Variants in TNN observed in about 807,000 individuals in gnomAD.
The protein encoded by TNN is tenascin-N.
In TNN, 122 loss-of-function variants were observed where a neutral mutation model predicts 134.4. That is an observed-to-expected ratio of 0.91 (90% CI 0.78 to 1.06). The LOEUF (loss-of-function observed/expected upper bound fraction) is 1.06. TNN is among the 50% of genes least tolerant of loss of function. The pLI is 0.00. For synonymous variants in TNN, 710 were observed against 670.3 expected (o/e 1.06, Z -0.91); for missense variants, 1,739 against 1,699.4 (o/e 1.02, Z -0.41).
At chr1:175,120,889 C>T (rs1229631707) in intron 11 of TNN, among the ~76,000 whole-genome samples, 1 of 152,154 alleles carries the variant, frequency 6.6e-6, no homozygotes, top group Non-Finnish European at 1.5e-5. Context: ...CAGGCTTGAC[C>T]TCCCGGGCTC....
chr1:175,130,770 C>T (rs1051335847), intron 15 of TNN, among the ~76,000 whole-genome samples: 11 of 152,110 alleles, frequency 7.2e-5, no homozygotes, highest in African/African-American at 2.7e-4. Context: ...AACAGAAATC[C>T]CTGCCCCCAA....
chr1:175,125,668 T>G (rs1490634209), intron 12 of TNN, among the ~76,000 whole-genome samples: 1 of 79,730 alleles, frequency 1.3e-5, no homozygotes, highest in Non-Finnish European at 2.8e-5. Context: ...CTTCCTTCTC[T>G]CCCTCCCTCC....
At position 175,079,425 on chromosome 1, in the gene TNN, C is replaced by A; in HGVS notation, c.502C>A (p.Arg168=). Residue 168 remains arginine, a synonymous_variant, in exon 3 of 19, where the codon CGG becomes AGG. Coordinates refer to ENST00000239462, the MANE Select transcript of TNN (RefSeq NM_022093.2). ...GGGCAGGGAGGGCCCCGCCTGCGAG[C>A]GGCTGGCCTGCCCCGGGGCGTGCAG... ...EEGREGPACE[R]LACPGACSGH... is the part of the protein sequence containing the mutation. 1.9e-6 allele frequency: 3 copies of A among 1,586,534 alleles called. No homozygotes were observed. The highest frequency in any genetic ancestry group is 2.6e-6 in the Non-Finnish European group (3 of 1,169,902).
At chr1:175,117,261 A>G in intron 10 of TNN, 56 bp downstream of exon 10, 3 of 1,592,996 alleles carry the variant, frequency 1.9e-6, no homozygotes, top group Non-Finnish European at 1.7e-6. Context: ...TCAGTGGATG[A>G]CAAGTTTTGT....
rs1160966675 is a variant in TNN, at chr1:175,085,414, CG to C, written c.1248del (p.Thr417LeufsTer10). ...KSRYDITGLHPGTEYKITVVP... is the reference protein window; with the variant it reads ...KSRYDITGLHXGTEYKITVVP... ...GCCTGCTTGTTTCCAGGTCTGCACCCGGGGACTGAGTATAAGATCACGGTGG... is the reference window on the plus strand; with the variant it reads ...GCCTGCTTGTTTCCAGGTCTGCACCCGGGACTGAGTATAAGATCACGGTGG... On this transcript the variant is annotated frameshift_variant, in exon 6 of 19. Transcript: ENST00000239462. LOFTEE classifies it high-confidence loss of function. 3 of 1,610,424 alleles carry C rather than the reference CG, an allele frequency of 1.9e-6. No homozygotes were observed. Among genetic ancestry groups the C allele is most frequent in the Non-Finnish European group, 2.5e-6 (3 of 1,177,422 alleles).
At position 175,147,061 on chromosome 1, in the gene TNN, G is replaced by C; in HGVS notation, c.3890G>C (p.Arg1297Pro). ...RKKRTLRGRLRTF is the reference protein window; with the variant it reads ...RKKRTLRGRLPTF ...AAGCGGACGCTGAGAGGAAGGCTGC[G>C]AACGTTCTGATGGCCCGTGTGAGCA... The change falls in exon 19 of 19, where the codon CGA (arginine) becomes CCA (proline). Residue 1297 changes from arginine to proline, a missense_variant. Physicochemically the swap from Arg to Pro is moderately radical, Grantham distance 103. Coordinates refer to ENST00000239462, the MANE Select transcript of TNN (RefSeq NM_022093.2). 1 of 1,580,454 alleles carries C rather than the reference G, an allele frequency of 6.3e-7. No homozygotes were observed. Among genetic ancestry groups the C allele is most frequent in the Non-Finnish European group, 8.6e-7 (1 of 1,163,484 alleles).
In TNN at chr1:175,098,399, C is replaced by T. The variant is rs2149433089; in HGVS notation, c.1923C>T (p.Asp641=). 3.1e-6 allele frequency: 5 copies of T among 1,614,144 alleles called. No individual in the cohort carries two copies. Among genetic ancestry groups the T allele is most frequent in the Non-Finnish European group, 3.4e-6 (4 of 1,180,022 alleles). ...AGAATATGGCCACGGTCTCCTGGGACCCGGTGCAGGCCGCCATTGACAAGT... is the reference window on the plus strand; with the variant it reads ...AGAATATGGCCACGGTCTCCTGGGATCCGGTGCAGGCCGCCATTGACAAGT... ...VTENMATVSW[D]PVQAAIDKYV... is the part of the protein sequence containing the mutation. Residue 641 remains aspartate (D), a synonymous_variant, in exon 9 of 19, where the codon GAC becomes GAT. Coordinates refer to ENST00000239462, the MANE Select transcript of TNN (RefSeq NM_022093.2).
intron 9 of TNN, among the ~76,000 whole-genome samples, chr1:175,113,003 C>T (rs2101832096): frequency 6.6e-6 from 1 of 152,224 alleles, no homozygotes; most frequent in East Asian, 1.9e-4. Context: ...TGACTCCTGT[C>T]ATTTGTAAAT....
intron 9 of TNN, among the ~76,000 whole-genome samples, chr1:175,114,426 A>G (rs1675112097): frequency 6.6e-6 from 1 of 151,994 alleles, no homozygotes; most frequent in African/African-American, 2.4e-5. Flanking sequence ...TTCTATTCTT[A>G]TTTTCTCCAT....
intron 10 of TNN, among the ~76,000 whole-genome samples, chr1:175,118,025 A>G (rs1013172485): frequency 2.0e-5 from 3 of 152,232 alleles, no homozygotes; most frequent in Admixed American, 6.5e-5. Context: ...CTTTAGTAAT[A>G]TATAGTGAGC....
chr1:175,124,409 G>A (rs531893665), intron 12 of TNN, among the ~76,000 whole-genome samples: 11 of 152,290 alleles, frequency 7.2e-5, no homozygotes, highest in South Asian at 2.1e-4. Context: ...GGCCAGGCGC[G>A]GTGGCTCATG....
intron 15 of TNN, among the ~76,000 whole-genome samples, chr1:175,134,975 T>C (rs1213368212): frequency 6.6e-6 from 1 of 152,164 alleles, no homozygotes; most frequent in African/African-American, 2.4e-5. Context: ...CAATCCCTTT[T>C]AAAGGCTCAC....
In TNN at chr1:175,125,692, CTCTTTTTTCTCTCTTTCTTTCTTTCTT is replaced by C. The variant is rs1675494519; in HGVS notation, c.2915-1257_2915-1231del. ...CTCCCTCCCTCCCTCCTTTCTTTCT[CTCTTTTTTCTCTCTTTCTTTCTTTCTT>C]TCTTTCTTTCTTTCTTTCTTTCTTT... On this transcript the variant is annotated intron_variant, in intron 12 of 18. Transcript: ENST00000239462. Among the ~76,000 whole-genome samples the C allele has an allele frequency of 1.2e-4, 7 of 56,074 alleles. No individual in the cohort carries two copies. The South Asian group carries it at 4.8e-3, about 39-fold the overall frequency. 36.8% of individuals were successfully genotyped at this position (56,074 alleles called of 152,430 possible).
In TNN at chr1:175,080,250, A is replaced by G. The variant is rs1479973484; in HGVS notation, c.872A>G (p.Tyr291Cys). The change falls in exon 4 of 19, where the codon TAC becomes TGC. Residue 291 changes from tyrosine (Y) to cysteine (C), a missense_variant. Transcript: ENST00000239462. Reference protein sequence around the residue: ...SWEPSSQVDHYLLSYYPLGKE... With the variant: ...SWEPSSQVDHCLLSYYPLGKE... ...GAGCCCTCCAGCCAGGTGGATCACT[A>G]CCTCCTCAGCTACTACCCCCTGGGG... 1 of 1,613,820 alleles carries G rather than the reference A, an allele frequency of 6.2e-7. No individual in the cohort carries two copies. The highest frequency in any genetic ancestry group is 2.2e-5 in the East Asian group (1 of 44,876).
chr1:175,072,034 C>T (rs1350421754), intron 1 of TNN, among the ~76,000 whole-genome samples: 1 of 152,192 alleles, frequency 6.6e-6, no homozygotes, highest in East Asian at 1.9e-4. Context: ...GATTTGGCAA[C>T]TGTCAACATT....
intron 7 of TNN, among the ~76,000 whole-genome samples, chr1:175,095,193 A>G (rs1674541160): frequency 6.6e-6 from 1 of 152,234 alleles, no homozygotes; most frequent in African/African-American, 2.4e-5. Flanking sequence ...GGGCCTCAAT[A>G]GTTGACCTCT....
chr1:175,133,804 T>C (rs891587786), intron 15 of TNN, among the ~76,000 whole-genome samples: 7 of 152,196 alleles, frequency 4.6e-5, no homozygotes, highest in South Asian at 4.1e-4. Flanking sequence ...TTCTTATATG[T>C]GCAATGTGTT....
chr1:175,072,817 G>T (rs561958242), intron 1 of TNN, among the ~76,000 whole-genome samples: 3 of 152,000 alleles, frequency 2.0e-5, no homozygotes, highest in Admixed American at 2.0e-4. Flanking sequence ...GCAACACCAA[G>T]GGCTCCAACA....
At chr1:175,142,263 G>A (rs915439361) in intron 17 of TNN, among the ~76,000 whole-genome samples, 32 of 152,320 alleles carry the variant, frequency 2.1e-4, no homozygotes, top group African/African-American at 7.5e-4. Context: ...CTTTTTCTGG[G>A]TGAGGCATAA....
Sources: gnomAD v4.1 joint callset for allele counts (sites outside exome capture counted in the v4.1 genomes callset) on GRCh38, gnomAD v4.1.1 for gene constraint, MANE v1.5 for transcripts, NCBI Gene and HGNC (gene_info 2026-07-23, HGNC 2026-07-21) for gene names.